The following DAB1 variants were observed in gnomAD, a reference collection of about 807,000 sequenced individuals.
The protein encoded by DAB1 is disabled homolog 1.
DAB1 carries 15 observed loss-of-function variants against 64.6 expected under a neutral mutation model. The observed-to-expected ratio is 0.23, with a 90% CI of 0.16 to 0.36. The LOEUF is 0.36. Among genes scored for constraint, DAB1 ranks in the 10% least tolerant of loss-of-function variants. The pLI is 1.00. For missense variants in DAB1, 596 were observed against 706.7 expected (o/e 0.84, Z 1.78); for synonymous variants, 235 against 251.9 (o/e 0.93, Z 0.64).
intron 7 of DAB1, among the ~76,000 whole-genome samples, chr1:57,610,750 T>A (rs1236242563): frequency 6.6e-6 from 1 of 152,118 alleles, no homozygotes; most frequent in Admixed American, 6.5e-5. Flanking sequence ...GAGAACTCAC[T>A]CACTATCATG....
At chr1:58,533,045 T>C (rs1490286291) in intron 1 of DAB1, among the ~76,000 whole-genome samples, 1 of 152,250 alleles carries the variant, frequency 6.6e-6, no homozygotes, top group Non-Finnish European at 1.5e-5. Flanking sequence ...CACTTCACTA[T>C]GTACCTTTGC....
At chr1:57,682,907 C>T (rs1233948553) in intron 6 of DAB1, among the ~76,000 whole-genome samples, 1 of 152,166 alleles carries the variant, frequency 6.6e-6, no homozygotes, top group Non-Finnish European at 1.5e-5. Context: ...TGCCTACTAG[C>T]CCCTCCCAGG....
intron 5 of DAB1, among the ~76,000 whole-genome samples, chr1:58,043,216 T>C (rs1647166157): frequency 6.6e-6 from 1 of 152,212 alleles, no homozygotes; most frequent in Non-Finnish European, 1.5e-5. Flanking sequence ...GCCGATCTTG[T>C]TAGTGGCATT....
At chr1:57,749,832 A>C (rs542385120) in intron 6 of DAB1, among the ~76,000 whole-genome samples, 129 of 152,270 alleles carry the variant, frequency 8.5e-4, no homozygotes, top group African/African-American at 2.8e-3. Context: ...CAACCAAAAA[A>C]CATTATCCTG....
intron 4 of DAB1, among the ~76,000 whole-genome samples, chr1:58,318,641 G>A (rs1662611531): frequency 1.3e-5 from 2 of 152,200 alleles, no homozygotes; most frequent in African/African-American, 2.4e-5. Context: ...TAGTAGGAGA[G>A]CTTGGTCTAG....
At chr1:57,905,491 G>T (rs1644536982) in intron 5 of DAB1, among the ~76,000 whole-genome samples, 1 of 152,126 alleles carries the variant, frequency 6.6e-6, no homozygotes, top group Non-Finnish European at 1.5e-5. Context: ...CAAGTGGATT[G>T]GTGGTGTGTT....
intron 5 of DAB1, among the ~76,000 whole-genome samples, chr1:58,120,655 T>C (rs1652682001): frequency 6.6e-6 from 1 of 152,156 alleles, no homozygotes; most frequent in Non-Finnish European, 1.5e-5. Flanking sequence ...GACTATGGCA[T>C]TTTCCTTCCA....
At chr1:58,024,967 C>A (rs1301595155) in intron 5 of DAB1, among the ~76,000 whole-genome samples, 2 of 152,126 alleles carry the variant, frequency 1.3e-5, no homozygotes, top group Admixed American at 1.3e-4. Context: ...TTGTCAGCCT[C>A]CATAATTGCA....
intron 5 of DAB1, among the ~76,000 whole-genome samples, chr1:58,038,208 T>C (rs1201582404): frequency 1.3e-5 from 2 of 152,178 alleles, no homozygotes; most frequent in Non-Finnish European, 2.9e-5. Context: ...AGACAATTGA[T>C]GTGGCTTCTC....
At chr1:57,384,780 T>C (rs921723319) in intron 1 of DAB1, among the ~76,000 whole-genome samples, 2 of 152,190 alleles carry the variant, frequency 1.3e-5, no homozygotes, top group African/African-American at 4.8e-5. Context: ...GTTTCAATTT[T>C]GCATGATGAA....
rs979121781 is a variant in DAB1, at chr1:58,453,194, G to A, written n.257+52866C>T. Among the ~76,000 whole-genome samples, 4 of 152,074 alleles carry A rather than the reference G, an allele frequency of 2.6e-5. No homozygotes were observed. The East Asian group carries it at 5.8e-4, about 22-fold the overall frequency. On this transcript the variant is annotated intron_variant and non_coding_transcript_variant, in intron 3 of 20. Coordinates refer to the DAB1 transcript ENST00000485760. Reference sequence around the variant, plus strand: ...CGGAAAAGGTAAAACACTAGTGAGAGAGAACTAGTGATCACCGGGGGGTAG... The same window carrying A: ...CGGAAAAGGTAAAACACTAGTGAGAAAGAACTAGTGATCACCGGGGGGTAG...
intron 3 of DAB1, among the ~76,000 whole-genome samples, chr1:58,396,212 C>G (rs993077034): frequency 6.6e-6 from 1 of 152,060 alleles, no homozygotes; most frequent in African/African-American, 2.4e-5. Context: ...CTGTGATACA[C>G]TCTGTTTGAG....
chr1:58,014,539 C>A (rs1026151667), intron 5 of DAB1, among the ~76,000 whole-genome samples: 2 of 152,152 alleles, frequency 1.3e-5, no homozygotes, highest in Non-Finnish European at 2.9e-5. Context: ...CTTGGGCCCT[C>A]GGTCTTCCAC....
At chr1:57,335,724 T>C (rs1277457719) in intron 1 of DAB1, among the ~76,000 whole-genome samples, 1 of 152,144 alleles carries the variant, frequency 6.6e-6, no homozygotes, top group Non-Finnish European at 1.5e-5. Flanking sequence ...TTAACGAAAA[T>C]GAGGATTAAA....
chr1:57,099,202 C>T (rs951248472), intron 4 of DAB1, among the ~76,000 whole-genome samples: 3 of 152,324 alleles, frequency 2.0e-5, no homozygotes, highest in Middle Eastern at 6.8e-3. Context: ...CAAACACAAT[C>T]CTTGTGCTTA....
At chr1:58,298,992 T>G (rs1455268814) in intron 4 of DAB1, among the ~76,000 whole-genome samples, 2 of 152,218 alleles carry the variant, frequency 1.3e-5, no homozygotes, top group Non-Finnish European at 2.9e-5. Context: ...CCTTGTTCTA[T>G]TCCAAAAAAT....
At chr1:58,190,458 A>C (rs1657324659) in intron 4 of DAB1, among the ~76,000 whole-genome samples, 1 of 152,104 alleles carries the variant, frequency 6.6e-6, no homozygotes, top group Non-Finnish European at 1.5e-5. Context: ...GACTAGTTTC[A>C]TGCTAGCAGT....
intron 4 of DAB1, among the ~76,000 whole-genome samples, chr1:58,229,858 T>C (rs1352821067): frequency 6.6e-6 from 1 of 152,180 alleles, no homozygotes; most frequent in Non-Finnish European, 1.5e-5. Context: ...TCCACTATAT[T>C]GCCTGAATAC....
At chr1:57,483,001 A>T (rs1644043233) in intron 7 of DAB1, among the ~76,000 whole-genome samples, 1 of 152,240 alleles carries the variant, frequency 6.6e-6, no homozygotes, top group Non-Finnish European at 1.5e-5. Context: ...CACATATTAC[A>T]TGAAATATTA....
Sources: allele counts gnomAD v4.1 joint callset (sites outside exome capture counted in the v4.1 genomes callset), GRCh38; gene constraint gnomAD v4.1.1; transcripts MANE v1.5; gene names NCBI Gene and HGNC (gene_info 2026-07-23, HGNC 2026-07-21).